Variants in MCM10 observed in about 807,000 individuals in gnomAD.
The protein encoded by MCM10 is minichromosome maintenance 10 replication initiation factor, also known as protein MCM10 homolog.
MCM10 carries 91 observed loss-of-function variants against 109.9 expected under a neutral mutation model. That is an observed-to-expected ratio of 0.83 (90% confidence interval 0.70 to 0.99). The LOEUF is 0.99. MCM10 is among the 50% of genes least tolerant of loss of function. The pLI, the probability that MCM10 is intolerant of heterozygous loss-of-function variation, is 0.00. For synonymous variants in MCM10, 380 were observed against 387.2 expected (o/e 0.98, Z 0.22); for missense variants, 1,077 against 1,061.2 (o/e 1.01, Z -0.21).
At chr10:13,169,342 C>T (rs1834040749) in intron 2 of MCM10, among the ~76,000 whole-genome samples, 1 of 152,204 alleles carries the variant, frequency 6.6e-6, no homozygotes, top group African/African-American at 2.4e-5. Flanking sequence ...AATCTCTGCA[C>T]TTAACCTCAC....
chr10:13,195,243 C>A lies in MCM10; in HGVS notation c.1948C>A (p.Leu650Met), dbSNP rs1461227588. ...TGAGTCACCACCACCAAGACCAAAA[C>A]TGAGTGCTTTAGCAGAAGCCAAAAA... ...YDESPPPRPK[L>M]SALAEAKKLA... The change falls in exon 14 of 20, where the codon CTG becomes ATG. Residue 650 changes from leucine to methionine, a missense_variant. By Grantham distance (15) the Leu-to-Met change is conservative (BLOSUM62 2). Transcript: ENST00000378714. 1 of 1,607,708 alleles carries A rather than the reference C, an allele frequency of 6.2e-7. No individual in the cohort carries two copies. Among genetic ancestry groups the A allele is most frequent in the East Asian group, 2.2e-5 (1 of 44,812 alleles).
chr10:13,176,961 T>G (rs1834149408), intron 6 of MCM10, among the ~76,000 whole-genome samples: 1 of 152,204 alleles, frequency 6.6e-6, no homozygotes, highest in Non-Finnish European at 1.5e-5. Flanking sequence ...TATATCTTAA[T>G]TACATCTGAG....
chr10:13,189,714 G>A (rs550580456), intron 10 of MCM10, among the ~76,000 whole-genome samples: 131 of 152,216 alleles, frequency 8.6e-4, no homozygotes, highest in Non-Finnish European at 1.3e-3. Flanking sequence ...ATTATTTCTC[G>A]TATGACTATA....
rs772972495 is a variant in MCM10, at chr10:13,199,247, T to C, written c.2238+440T>C. 5.9e-4 allele frequency among the ~76,000 whole-genome samples: 90 copies of C among 152,352 alleles called. No homozygotes were observed. The Middle Eastern group carries it at 0.01, about 17-fold the overall frequency. On this transcript the variant is annotated intron_variant, in intron 16 of 19. Coordinates refer to ENST00000378714, the MANE Select transcript of MCM10 (RefSeq NM_018518.5). ...AATCTAAAAGTAGGTATATGTCAGT[T>C]TGTTTGAGTTTGCTTTGAAGAACAG... is the stretch of plus-strand genomic sequence containing the variant.
Position 13,164,156 on chromosome 10 carries a change from T to C in MCM10, c.-47T>C. Reference sequence around the variant, plus strand: ...AGATTCTACATTGCTCATCTGGGCATCTGAGCCTCCTTCGAAGTTTCCTGT... The same window carrying C: ...AGATTCTACATTGCTCATCTGGGCACCTGAGCCTCCTTCGAAGTTTCCTGT... On this transcript the variant is annotated 5_prime_UTR_variant, in exon 2 of 20. Transcript: ENST00000378714. The C allele has an allele frequency of 6.4e-7, 1 of 1,556,102 alleles. No individual in the cohort carries two copies. The highest frequency in any genetic ancestry group is 2.3e-5 in the East Asian group (1 of 42,818).
At chr10:13,168,752 A>C (rs1171507057) in intron 2 of MCM10, among the ~76,000 whole-genome samples, 1 of 152,244 alleles carries the variant, frequency 6.6e-6, no homozygotes, top group Non-Finnish European at 1.5e-5. Flanking sequence ...TTGACAAAAA[A>C]ATATTTAAGT....
At position 13,180,793 on chromosome 10, in the gene MCM10, A is replaced by G. The variant is rs114586557; in HGVS notation, c.930+186A>G. On this transcript the variant is annotated intron_variant, in intron 7 of 19. Transcript: ENST00000378714. ...TAAGCAAAGGATGCCCTATTTAAAT[A>G]AGACCTGGTGGTACAGGTTTCTTGG... 3.8e-3 allele frequency among the ~76,000 whole-genome samples: 581 copies of G among 152,310 alleles called. 4 individuals carry two copies. Among genetic ancestry groups the G allele is most frequent in the African/African-American group, 0.013 (549 of 41,576 alleles).
rs140390321 is a variant in MCM10 at position 13,173,350 on chromosome 10, T to C, written c.592+585T>C. 1.4e-3 allele frequency among the ~76,000 whole-genome samples: 219 copies of C among 152,292 alleles called. 1 individual carries two copies. Among genetic ancestry groups the C allele is most frequent in the African/African-American group, 5.1e-3 (214 of 41,562 alleles). On this transcript the variant is annotated intron_variant, in intron 5 of 19. Coordinates refer to ENST00000378714, the MANE Select transcript of MCM10 (RefSeq NM_018518.5). ...TTCTCATGCTTTAGACTTGTGAGGT[T>C]ATTCCCTTAGAAAATGGTCAAGTTT...
intron 1 of MCM10, among the ~76,000 whole-genome samples, chr10:13,162,179 A>G (rs1833935431): frequency 6.6e-6 from 1 of 152,124 alleles, no homozygotes. Context: ...GTGTTCCAGA[A>G]GGTGGAAGCG....
At chr10:13,166,687 T>TATATATATAG (rs1470717727) in intron 2 of MCM10, among the ~76,000 whole-genome samples, 2 of 137,898 alleles carry the variant, frequency 1.5e-5, no homozygotes, top group African/African-American at 5.6e-5. Flanking sequence ...TATATATATA[T>TATATATATAG]ATCATCAGCT....
Position 13,201,553 on chromosome 10 carries a change from T to C in MCM10, c.2352+19T>C, listed in dbSNP as rs1174197319. On this transcript the variant is annotated intron_variant, in intron 17 of 19. Transcript: ENST00000378714. ...CAAGACGGTGGGTGAAGGTGGGGGCTGCAGCAACCCATGGGCCCTGTGTGG... is the reference window on the plus strand; with the variant it reads ...CAAGACGGTGGGTGAAGGTGGGGGCCGCAGCAACCCATGGGCCCTGTGTGG... 1 of 1,571,960 alleles carries C rather than the reference T, an allele frequency of 6.4e-7. No individual in the cohort carries two copies. The highest frequency in any genetic ancestry group is 8.7e-7 in the Non-Finnish European group (1 of 1,150,468).
intron 6 of MCM10, among the ~76,000 whole-genome samples, chr10:13,177,776 G>C (rs1834161148): frequency 6.6e-6 from 1 of 151,674 alleles, no homozygotes; most frequent in East Asian, 1.9e-4. Flanking sequence ...GGCTGAGTGG[G>C]GAAGTCAAGG....
chr10:13,166,659 T>A lies in MCM10; in HGVS notation c.7+2450T>A, dbSNP rs200798694. Among the ~76,000 whole-genome samples, 27 of 68,614 alleles carry A rather than the reference T, an allele frequency of 3.9e-4. 1 individual carries two copies. Among genetic ancestry groups the A allele is most frequent in the Admixed American group, 1.1e-3 (7 of 6,194 alleles). The allele number at this position is 68,614 out of a possible 152,430, so 45.0% of individuals were successfully genotyped here. ...TCAAAAAAAAAAAAAAATACATACA[T>A]ACATATATATATATATATATATATA... is the stretch of plus-strand genomic sequence containing the variant. On this transcript the variant is annotated intron_variant, in intron 2 of 19. Coordinates refer to ENST00000378714, the MANE Select transcript of MCM10 (RefSeq NM_018518.5).
At chr10:13,197,559 C>T in intron 14 of MCM10, 64 bp from the exon 15 acceptor site, 2 of 1,468,150 alleles carry the variant, frequency 1.4e-6, no homozygotes, top group Admixed American at 2.1e-5. Context: ...AAAAGGGATC[C>T]AGGTCTATAA....
intron 2 of MCM10, among the ~76,000 whole-genome samples, chr10:13,170,411 A>G (rs1394551595): frequency 1.3e-5 from 2 of 152,148 alleles, no homozygotes; most frequent in African/African-American, 4.8e-5. Context: ...GGAATTATAT[A>G]CATCTAAAGC....
chr10:13,185,067 C>A (rs1834256949), intron 8 of MCM10, among the ~76,000 whole-genome samples: 1 of 152,174 alleles, frequency 6.6e-6, no homozygotes, highest in South Asian at 2.1e-4. Flanking sequence ...ACAAAGCACA[C>A]ACAAATTGGG....
chr10:13,203,171 T>C (rs921999051), intron 17 of MCM10, among the ~76,000 whole-genome samples: 3 of 152,138 alleles, frequency 2.0e-5, no homozygotes, highest in Non-Finnish European at 4.4e-5. Context: ...TTATCTCTTA[T>C]GTAGGTCAGA....
chr10:13,205,237 T>G (rs532001900), intron 18 of MCM10, among the ~76,000 whole-genome samples: 22 of 152,116 alleles, frequency 1.4e-4, no homozygotes, highest in African/African-American at 5.1e-4. Context: ...TCTGTGTCCT[T>G]GCATACACAT....
chr10:13,162,636 G>A (rs1019601003), intron 1 of MCM10, among the ~76,000 whole-genome samples: 3 of 152,164 alleles, frequency 2.0e-5, no homozygotes, highest in African/African-American at 7.2e-5. Context: ...AGGGTGCACA[G>A]TTTCATTTTG....
Sources: gnomAD v4.1 joint callset for allele counts (sites outside exome capture counted in the v4.1 genomes callset) on GRCh38, gnomAD v4.1.1 for gene constraint, MANE v1.5 for transcripts, NCBI Gene and HGNC (gene_info 2026-07-23, HGNC 2026-07-21) for gene names.